Variants in SND1 observed in about 807,000 individuals in gnomAD.
SND1 encodes staphylococcal nuclease and tudor domain containing 1, also known as staphylococcal nuclease domain-containing protein 1.
A neutral mutation model predicts 121.7 loss-of-function variants in SND1; 38 were observed. That is an observed-to-expected ratio of 0.31 (90% CI 0.24 to 0.41). The LOEUF is 0.41. Ranked by LOEUF, SND1 falls within the 10% of genes least tolerant of loss-of-function variation. The pLI, the probability that SND1 is intolerant of heterozygous loss-of-function variation, is 1.00. For synonymous variants in SND1, 401 were observed against 447.4 expected (o/e 0.90, Z 1.31); for missense variants, 868 against 1,184.6 (o/e 0.73, Z 3.92).
intron 2 of SND1, among the ~76,000 whole-genome samples, chr7:127,689,831 GT>G (rs551901257): frequency 1.6e-3 from 237 of 151,984 alleles, no homozygotes; most frequent in African/African-American, 4.8e-3. Context: ...CTGTGATTTG[GT>G]TTTCCTCCTA....
chr7:127,799,935 G>T (rs1463400572), intron 10 of SND1, among the ~76,000 whole-genome samples: 1 of 152,152 alleles, frequency 6.6e-6, no homozygotes. Flanking sequence ...TCGGCCAGGT[G>T]GTCACAATTT....
At chr7:127,817,647 A>G (rs1391142579) in intron 11 of SND1, among the ~76,000 whole-genome samples, 1 of 151,336 alleles carries the variant, frequency 6.6e-6, no homozygotes, top group Non-Finnish European at 1.5e-5. Flanking sequence ...ATTGCTGTCC[A>G]CATAATATGT....
At chr7:128,000,088 A>AG (rs1802787805) in intron 16 of SND1, 1 of 151,778 alleles carries the variant, frequency 6.6e-6, no homozygotes, top group Admixed American at 6.6e-5. Context: ...AAAAAAAAAA[A>AG]AAAAAAAAAA....
At chr7:128,058,980 G>A (rs6950644) in intron 16 of SND1, among the ~76,000 whole-genome samples, 2,592 of 152,058 alleles carry the variant, frequency 0.017, 88 homozygotes, top group African/African-American at 0.059. Flanking sequence ...CCTTCTCCTG[G>A]CTTCTGTTCT....
chr7:128,072,112 G>A (rs1793423388), intron 16 of SND1, among the ~76,000 whole-genome samples: 1 of 152,240 alleles, frequency 6.6e-6, no homozygotes, highest in Admixed American at 6.5e-5. Context: ...CAGCCTCAGA[G>A]AGCGAGGTGT....
chr7:127,832,772 A>G (rs551409801), intron 11 of SND1, among the ~76,000 whole-genome samples: 4 of 152,326 alleles, frequency 2.6e-5, no homozygotes, highest in African/African-American at 9.6e-5. Context: ...GCCTGTTAGG[A>G]AGCAGGCTGC....
At chr7:127,715,933 G>T (rs1308273585) in intron 9 of SND1, among the ~76,000 whole-genome samples, 1 of 152,062 alleles carries the variant, frequency 6.6e-6, no homozygotes, top group Admixed American at 6.5e-5. Flanking sequence ...TTTTGCATGA[G>T]GATATCTAGT....
At chr7:127,695,073 T>C in intron 3 of SND1, 125 bp downstream of exon 3, 1 of 1,108,202 alleles carries the variant, frequency 9.0e-7, no homozygotes. Flanking sequence ...GCTGAAGGCA[T>C]AAATGCAAAT....
chr7:127,784,091 T>G (rs1465990406), intron 10 of SND1, among the ~76,000 whole-genome samples: 1 of 152,244 alleles, frequency 6.6e-6, no homozygotes, highest in Non-Finnish European at 1.5e-5. Context: ...TTTGTATGTA[T>G]TAACTGATTT....
rs1444746030 is a variant in SND1 at position 128,025,424 on chromosome 7, A to C, written c.1779+34368A>C. Reference sequence around the variant, plus strand: ...TTTGACTGTAAAATGTGAAGGGATTAGACTAAATGATTTTTCACGGCCTTC... The same window carrying C: ...TTTGACTGTAAAATGTGAAGGGATTCGACTAAATGATTTTTCACGGCCTTC... On this transcript the variant is annotated intron_variant, in intron 16 of 23. Coordinates refer to ENST00000354725, the MANE Select transcript of SND1 (RefSeq NM_014390.4). Among the ~76,000 whole-genome samples the C allele has an allele frequency of 3.3e-5, 5 of 152,166 alleles. No homozygotes were observed. The East Asian group carries it at 7.7e-4, about 23-fold the overall frequency.
At chr7:128,030,368 C>G in intron 16 of SND1, 1 of 1,613,924 alleles carries the variant, frequency 6.2e-7, no homozygotes, top group East Asian at 2.2e-5. Context: ...AGGTGTCGGC[C>G]TGGATCATCT....
At chr7:127,819,357 C>G (rs758615232) in intron 11 of SND1, among the ~76,000 whole-genome samples, 1 of 152,074 alleles carries the variant, frequency 6.6e-6, no homozygotes, top group Non-Finnish European at 1.5e-5. Context: ...TTTCATTGTT[C>G]CTCATTTTCT....
intron 10 of SND1, among the ~76,000 whole-genome samples, chr7:127,759,071 T>TAGATAGAC (rs1483610049): frequency 3.3e-5 from 5 of 151,140 alleles, no homozygotes; most frequent in African/African-American, 1.2e-4. Flanking sequence ...GATAGATAGA[T>TAGATAGAC]AGATAGATAG....
intron 12 of SND1, among the ~76,000 whole-genome samples, chr7:127,852,674 G>T (rs1406072599): frequency 6.6e-6 from 1 of 152,008 alleles, no homozygotes; most frequent in East Asian, 1.9e-4. Context: ...AGCTGGGTGT[G>T]GTGGCGCACG....
At chr7:128,038,935 A>G (rs1792801677) in intron 16 of SND1, among the ~76,000 whole-genome samples, 1 of 152,238 alleles carries the variant, frequency 6.6e-6, no homozygotes, top group Non-Finnish European at 1.5e-5. Context: ...TGATTTGCTT[A>G]AAATGCCCCA....
chr7:127,876,903 CTTTTTCTTG>C (rs1270085106), intron 12 of SND1, among the ~76,000 whole-genome samples: 1 of 152,046 alleles, frequency 6.6e-6, no homozygotes, highest in Non-Finnish European at 1.5e-5. Flanking sequence ...GAACAGGTTT[CTTTTTCTTG>C]TTTTTCTTCT....
At chr7:127,931,377 G>A (rs1477058607) in intron 15 of SND1, among the ~76,000 whole-genome samples, 1 of 152,188 alleles carries the variant, frequency 6.6e-6, no homozygotes, top group Non-Finnish European at 1.5e-5. Flanking sequence ...CCTCAATTCT[G>A]TGAACACTGA....
chr7:127,944,593 T>C (rs1341540531), intron 15 of SND1, among the ~76,000 whole-genome samples: 1 of 152,100 alleles, frequency 6.6e-6, no homozygotes, highest in Non-Finnish European at 1.5e-5. Context: ...AACCGGTTCT[T>C]GGGGCAGGAA....
At chr7:127,732,857 C>T (rs1321784833) in intron 10 of SND1, among the ~76,000 whole-genome samples, 2 of 152,176 alleles carry the variant, frequency 1.3e-5, no homozygotes, top group Admixed American at 6.5e-5. Flanking sequence ...GTGGATGCTG[C>T]ATGCTCATGG....
Sources: gnomAD v4.1 joint callset for allele counts (sites outside exome capture counted in the v4.1 genomes callset) on GRCh38, gnomAD v4.1.1 for gene constraint, MANE v1.5 for transcripts, NCBI Gene and HGNC (gene_info 2026-07-23, HGNC 2026-07-21) for gene names.